The following ZRANB3 variants were observed in gnomAD, a reference collection of about 807,000 sequenced individuals.
ZRANB3 encodes the protein zinc finger RANBP2-type containing 3.
ZRANB3 carries 125 observed loss-of-function variants against 133.8 expected under a neutral mutation model. That is an observed-to-expected ratio of 0.93 (90% confidence interval 0.81 to 1.08). ZRANB3 has a LOEUF of 1.08. Among genes scored for constraint, ZRANB3 ranks in the 50% least tolerant of loss-of-function variants. The probability of loss-of-function intolerance (pLI) is 0.00; values close to 1 mark genes in which losing one functional copy is unlikely to be tolerated. For synonymous variants in ZRANB3, 387 were observed against 432.7 expected (o/e 0.89, Z 1.31); for missense variants, 1,229 against 1,275.5 (o/e 0.96, Z 0.56).
intron 8 of ZRANB3, among the ~76,000 whole-genome samples, chr2:135,310,961 C>CAAA (rs200752512): frequency 7.0e-5 from 8 of 114,930 alleles, no homozygotes; most frequent in African/African-American, 2.1e-4. Context: ...ACTCAAAATA[C>CAAA]AAAAAAAAAA....
intron 17 of ZRANB3, among the ~76,000 whole-genome samples, chr2:135,215,380 C>G (rs1694262329): frequency 6.6e-6 from 1 of 152,126 alleles, no homozygotes; most frequent in Admixed American, 6.5e-5. Flanking sequence ...ACCTCAGTCT[C>G]CAAAGTAGCT....
At chr2:135,415,233 G>C (rs569929081) in intron 2 of ZRANB3, among the ~76,000 whole-genome samples, 7 of 151,294 alleles carry the variant, frequency 4.6e-5, no homozygotes, top group Non-Finnish European at 8.8e-5. Flanking sequence ...GAAAAAAAGA[G>C]AGAAGAATCA....
chr2:135,463,158 A>C (rs1323167763), intron 2 of ZRANB3, among the ~76,000 whole-genome samples: 1 of 152,104 alleles, frequency 6.6e-6, no homozygotes, highest in Non-Finnish European at 1.5e-5. Flanking sequence ...TGAGACTCTG[A>C]CTCTAAAAAA....
At chr2:135,478,936 T>C (rs560560399) in intron 2 of ZRANB3, among the ~76,000 whole-genome samples, 1 of 152,050 alleles carries the variant, frequency 6.6e-6, no homozygotes, top group South Asian at 2.1e-4. Flanking sequence ...CATATGTGTA[T>C]ACATACTTAT....
At chr2:135,314,812 G>C (rs181770088) in intron 7 of ZRANB3, among the ~76,000 whole-genome samples, 1 of 151,128 alleles carries the variant, frequency 6.6e-6, no homozygotes, top group Admixed American at 6.6e-5. Context: ...GCAATGGCGC[G>C]ATCTCGGCTC....
chr2:135,464,745 G>A (rs1690909449), intron 2 of ZRANB3, among the ~76,000 whole-genome samples: 1 of 152,182 alleles, frequency 6.6e-6, no homozygotes, highest in African/African-American at 2.4e-5. Flanking sequence ...AGCCATGTAC[G>A]TATTCCACAG....
intron 2 of ZRANB3, among the ~76,000 whole-genome samples, chr2:135,478,898 T>C (rs1007111153): frequency 8.6e-5 from 13 of 151,826 alleles, no homozygotes; most frequent in East Asian, 7.7e-4. Context: ...TATATGTATA[T>C]TTTATGTTCT....
At chr2:135,484,683 T>G (rs1350792066) in intron 2 of ZRANB3, among the ~76,000 whole-genome samples, 1 of 150,928 alleles carries the variant, frequency 6.6e-6, no homozygotes, top group African/African-American at 2.4e-5. Context: ...TTCAAAAACC[T>G]GTCTTGGTTT....
At chr2:135,517,819 C>A (rs544207765) in intron 1 of ZRANB3, among the ~76,000 whole-genome samples, 229 of 152,288 alleles carry the variant, frequency 1.5e-3, no homozygotes, top group African/African-American at 5.0e-3. Context: ...CTCTTCGGAG[C>A]CAACAGGCAG....
chr2:135,232,786 C>T (rs968378624), intron 12 of ZRANB3, among the ~76,000 whole-genome samples: 4 of 152,118 alleles, frequency 2.6e-5, no homozygotes, highest in African/African-American at 9.7e-5. Context: ...CACCAAAACC[C>T]CATCTATACA....
chr2:135,453,943 A>G (rs556635075), intron 2 of ZRANB3, among the ~76,000 whole-genome samples: 141 of 152,336 alleles, frequency 9.3e-4, no homozygotes, highest in African/African-American at 3.2e-3. Flanking sequence ...ATAAAGACAT[A>G]CCCGAAACTG....
At chr2:135,488,343 C>G (rs572199689) in intron 2 of ZRANB3, among the ~76,000 whole-genome samples, 1 of 152,020 alleles carries the variant, frequency 6.6e-6, no homozygotes, top group Non-Finnish European at 1.5e-5. Context: ...GAGACACAAA[C>G]TTAACACATA....
intron 19 of ZRANB3, among the ~76,000 whole-genome samples, chr2:135,206,367 T>C (rs1422955032): frequency 1.3e-5 from 2 of 151,594 alleles, no homozygotes; most frequent in African/African-American, 2.4e-5. Flanking sequence ...AGCTCCCGAG[T>C]AGTTGGGATT....
chr2:135,337,938 A>C (rs569213993), intron 6 of ZRANB3, among the ~76,000 whole-genome samples: 72 of 152,296 alleles, frequency 4.7e-4, no homozygotes, highest in Admixed American at 4.3e-3. Flanking sequence ...AAGAAACAAA[A>C]CTTTGAGCTG....
At chr2:135,304,209 C>A (rs1376091135) in intron 8 of ZRANB3, among the ~76,000 whole-genome samples, 1 of 152,106 alleles carries the variant, frequency 6.6e-6, no homozygotes, top group East Asian at 1.9e-4. Flanking sequence ...AGTCTTTCTG[C>A]ATTAAGTATG....
rs778447280 is a variant in ZRANB3, at chr2:135,207,842, A to G, written c.2607-6T>C. On this transcript the variant is annotated splice_region_variant and splice_polypyrimidine_tract_variant and intron_variant, in intron 18 of 20. Coordinates refer to ENST00000264159, the MANE Select transcript of ZRANB3 (RefSeq NM_032143.4). The stretch of plus-strand genomic sequence containing the variant: ...CTCCATCTTCAAGAAGTTTTCTACA[A>G]TTGATAAAAACACTGAATAGGTAAC... The G allele has an allele frequency of 1.3e-6, 2 of 1,586,414 alleles. No homozygotes were observed. Among genetic ancestry groups the G allele is most frequent in the East Asian group, 4.5e-5 (2 of 44,202 alleles).
rs1694959880 is a variant in ZRANB3, at chr2:135,230,611, G to A, written c.1856C>T (p.Ala619Val). The A allele has an allele frequency of 6.2e-7, 1 of 1,612,874 alleles. No homozygotes were observed. Among genetic ancestry groups the A allele is most frequent in the Non-Finnish European group, 8.5e-7 (1 of 1,179,566 alleles). ...QEAKAQLTTPAFPVEGWQCSL... is the reference protein window; with the variant it reads ...QEAKAQLTTPVFPVEGWQCSL... The stretch of plus-strand genomic sequence containing the variant: ...ACATTGCCAGCCCTCTACAGGAAAG[G>A]CTGGGGTGGTTAACTGGGCCTTGGC... Residue 619 changes from alanine (A) to valine (V), a missense_variant, in exon 13 of 21, where the codon GCC becomes GTC. By Grantham distance (64) the Ala-to-Val change is moderately conservative (BLOSUM62 0). Coordinates refer to ENST00000264159, the MANE Select transcript of ZRANB3 (RefSeq NM_032143.4).
intron 8 of ZRANB3, among the ~76,000 whole-genome samples, chr2:135,294,219 T>C (rs1478530597): frequency 5.3e-5 from 8 of 152,228 alleles, no homozygotes; most frequent in Non-Finnish European, 8.8e-5. Context: ...TGAATCCATC[T>C]GGTCCTGGAC....
At chr2:135,351,452 A>G (rs1046341453) in intron 4 of ZRANB3, among the ~76,000 whole-genome samples, 1 of 151,914 alleles carries the variant, frequency 6.6e-6, no homozygotes, top group Non-Finnish European at 1.5e-5. Flanking sequence ...TATTTTAGCC[A>G]GGATGGTCTC....
Sources: gnomAD v4.1 joint callset for allele counts (sites outside exome capture counted in the v4.1 genomes callset) on GRCh38, gnomAD v4.1.1 for gene constraint, MANE v1.5 for transcripts, NCBI Gene and HGNC (gene_info 2026-07-23, HGNC 2026-07-21) for gene names.